The following SRGAP2 variants were observed in gnomAD, a reference collection of about 807,000 sequenced individuals.
SRGAP2 encodes SLIT-ROBO Rho GTPase activating protein 2.
A neutral mutation model predicts 57.2 loss-of-function variants in SRGAP2; 15 were observed. The observed-to-expected ratio is 0.26, with a 90% confidence interval of 0.18 to 0.40. SRGAP2 has a LOEUF of 0.40. Ranked by LOEUF, SRGAP2 falls within the 10% of genes least tolerant of loss-of-function variation. The pLI is 1.00. For missense variants in SRGAP2, 520 were observed against 669.6 expected (o/e 0.78, Z 2.47); for synonymous variants, 249 against 248.0 (o/e 1.00, Z -0.04).
At chr1:206,453,403 T>A in intron 20 of SRGAP2, 23 bp downstream of exon 20, 1 of 600,578 alleles carries the variant, frequency 1.7e-6, no homozygotes, top group Non-Finnish European at 3.1e-6. Flanking sequence ...CATGGCATCT[T>A]TGGGGGTGGT....
At chr1:206,427,411 G>A (rs1660893065) in intron 13 of SRGAP2, among the ~76,000 whole-genome samples, 2 of 152,184 alleles carry the variant, frequency 1.3e-5, no homozygotes. Flanking sequence ...GGAGGAAGCA[G>A]ATGGGTTTGG....
intron 2 of SRGAP2, among the ~76,000 whole-genome samples, chr1:206,284,175 A>T (rs1470923333): frequency 4.1e-5 from 6 of 146,868 alleles, no homozygotes; most frequent in Non-Finnish European, 7.6e-5. Flanking sequence ...TTTCAACTGC[A>T]TATCTACAAG....
intron 21 of SRGAP2, chr1:206,455,238 C>A: frequency 1.7e-6 from 1 of 597,782 alleles, no homozygotes; most frequent in South Asian, 1.9e-5. Flanking sequence ...CAGCTAGCTG[C>A]CCTCGTGCTG....
chr1:206,429,145 G>A (rs1450571423), intron 13 of SRGAP2, among the ~76,000 whole-genome samples: 1 of 152,118 alleles, frequency 6.6e-6, no homozygotes, highest in African/African-American at 2.4e-5. Flanking sequence ...GTCTGTAGAA[G>A]GCAAATTGAG....
chr1:206,243,096 T>TA (rs1273924559), intron 2 of SRGAP2, among the ~76,000 whole-genome samples: 5 of 48,244 alleles, frequency 1.0e-4, no homozygotes, highest in African/African-American at 4.0e-4. Context: ...AGATCAATTT[T>TA]ACAGACTTCT....
rs568127513 is a variant in SRGAP2, at chr1:206,260,477, T to A, written c.68-42804T>A. On this transcript the variant is annotated intron_variant, in intron 2 of 22. Transcript: ENST00000573034. ...CCCTGCTCCTTATTGTGGGTGTCACTCTTAATAGTTCCTTATATATCTGTG... is the reference window on the plus strand; with the variant it reads ...CCCTGCTCCTTATTGTGGGTGTCACACTTAATAGTTCCTTATATATCTGTG... 2.0e-5 allele frequency among the ~76,000 whole-genome samples: 3 copies of A among 152,250 alleles called. No homozygotes were observed. The South Asian group carries it at 6.2e-4, about 32-fold the overall frequency.
At chr1:206,436,553 G>T (rs1275852867) in intron 14 of SRGAP2, among the ~76,000 whole-genome samples, 1 of 151,674 alleles carries the variant, frequency 6.6e-6, no homozygotes, top group Non-Finnish European at 1.5e-5. Flanking sequence ...AGGGTCTCAT[G>T]TTGCCCAGGC....
intron 3 of SRGAP2, chr1:206,333,329 T>C (rs1435313970): frequency 8.4e-7 from 1 of 1,192,984 alleles, no homozygotes; most frequent in Admixed American, 1.8e-5. Context: ...GAATCATTTA[T>C]TTTGAGCCAG....
chr1:206,205,803 A>T lies in SRGAP2; in HGVS notation c.-168A>T. Reference sequence around the variant, plus strand: ...CCCACCGTCTGCATGTGCCCGCCGTAGCCGTCTGCCCAGCCCGCAGCCCGC... The same window carrying T: ...CCCACCGTCTGCATGTGCCCGCCGTTGCCGTCTGCCCAGCCCGCAGCCCGC... On this transcript the variant is annotated 5_prime_UTR_variant, in exon 2 of 23. The change abolishes the stop of an existing upstream ORF in the 5' untranslated region. Transcript: ENST00000573034. 1.4e-6 allele frequency: 1 copy of T among 694,300 alleles called. No homozygotes were observed. The highest frequency in any genetic ancestry group is 2.8e-5 in the East Asian group (1 of 36,212). 43.0% of individuals were successfully genotyped at this position (694,300 alleles called of 1,614,324 possible).
intron 3 of SRGAP2, among the ~76,000 whole-genome samples, chr1:206,332,429 C>CTG (rs1674430628): frequency 1.3e-5 from 2 of 150,720 alleles, no homozygotes; most frequent in African/African-American, 4.9e-5. Context: ...CATTCTCCGC[C>CTG]TCACTTTCAG....
At chr1:206,415,139 T>C (rs1207037443) in intron 10 of SRGAP2, among the ~76,000 whole-genome samples, 1 of 152,230 alleles carries the variant, frequency 6.6e-6, no homozygotes, top group Non-Finnish European at 1.5e-5. Context: ...GTTTTGAAGA[T>C]TCAGTGAATT....
In SRGAP2 at chr1:206,446,258, G is replaced by C. The variant is rs782541490; in HGVS notation, c.2058G>C (p.Glu686Asp). The C allele has an allele frequency of 1.8e-5, 14 of 780,936 alleles. No homozygotes were observed. The highest frequency in any genetic ancestry group is 1.2e-4 in the South Asian group (9 of 74,632). 48.4% of individuals were successfully genotyped at this position (780,936 alleles called of 1,614,324 possible). The change falls in exon 18 of 23, where the codon GAG becomes GAC. Residue 686 changes from glutamate (E) to aspartate (D), a missense_variant. By Grantham distance (45) the Glu-to-Asp change is conservative (BLOSUM62 2). Transcript: ENST00000573034. The part of the protein sequence containing the change: ...ENIFPSPREL[E>D]GPVYSRGGSM... ...TCTTCCCAAGCCCCAGGGAGCTGGA[G>C]GGCCCTGTCTACAGCAGAGGAGGAA...
At chr1:206,366,745 C>G (rs1272954671) in intron 4 of SRGAP2, among the ~76,000 whole-genome samples, 1 of 149,296 alleles carries the variant, frequency 6.7e-6, no homozygotes, top group African/African-American at 2.5e-5. Flanking sequence ...TGTCTTCAGC[C>G]TCTTTCCACC....
intron 2 of SRGAP2, among the ~76,000 whole-genome samples, chr1:206,237,509 A>G (rs1379801570): frequency 4.6e-5 from 7 of 152,050 alleles, no homozygotes; most frequent in African/African-American, 1.7e-4. Flanking sequence ...CAGATTTTTA[A>G]GCTCCACCAC....
At chr1:206,439,728 C>A (rs1481049306) in intron 16 of SRGAP2, among the ~76,000 whole-genome samples, 4 of 152,048 alleles carry the variant, frequency 2.6e-5, no homozygotes, top group Admixed American at 2.6e-4. Context: ...TGGCACAGTT[C>A]CCTGTGCCCA....
rs568285334 is a variant in SRGAP2, at chr1:206,209,942, GT to G, written c.67+3918del. 2.8e-3 allele frequency among the ~76,000 whole-genome samples: 296 copies of G among 107,542 alleles called. 2 individuals are homozygous for G. The highest frequency in any genetic ancestry group is 7.8e-3 in the South Asian group (24 of 3,086). The allele number at this position is 107,542 out of a possible 152,430, so 70.6% of individuals were successfully genotyped here. On this transcript the variant is annotated intron_variant, in intron 2 of 22. Coordinates refer to ENST00000573034, the MANE Select transcript of SRGAP2 (RefSeq NM_015326.5). ...AAATTGTTGTATTGGTATTTTTATT[GT>G]TTTTTTTTTTTTCTTGAATATTTTC...
chr1:206,418,175 A>G (rs79989320), intron 11 of SRGAP2, among the ~76,000 whole-genome samples: 1,917 of 152,262 alleles, frequency 0.013, 24 homozygotes, highest in South Asian at 0.027. Flanking sequence ...TTTTGTCACC[A>G]TGATGCAGGA....
intron 5 of SRGAP2, among the ~76,000 whole-genome samples, chr1:206,389,902 C>T (rs1178583305): frequency 1.3e-5 from 2 of 151,290 alleles, no homozygotes; most frequent in Non-Finnish European, 2.9e-5. Flanking sequence ...TTTATGTATA[C>T]ATATCTATAT....
At chr1:206,285,944 G>A (rs1670999518) in intron 2 of SRGAP2, among the ~76,000 whole-genome samples, 1 of 152,192 alleles carries the variant, frequency 6.6e-6, no homozygotes, top group Non-Finnish European at 1.5e-5. Flanking sequence ...GGGATTACAG[G>A]TGTGAGCCAC....
Sources: gnomAD v4.1 joint callset for allele counts (sites outside exome capture counted in the v4.1 genomes callset) on GRCh38, gnomAD v4.1.1 for gene constraint, MANE v1.5 for transcripts, NCBI Gene and HGNC (gene_info 2026-07-23, HGNC 2026-07-21) for gene names.